The following CPLANE1 variants were observed in gnomAD, a reference collection of about 807,000 sequenced individuals.
CPLANE1 encodes the protein ciliogenesis and planar polarity effector 1.
CPLANE1 carries 263 observed loss-of-function variants against 362.5 expected under a neutral mutation model. The ratio of observed to expected loss-of-function variants is 0.73; its 90% CI spans 0.66 to 0.80. The LOEUF is 0.80. Among genes scored for constraint, CPLANE1 ranks in the 30% least tolerant of loss-of-function variants. The probability of loss-of-function intolerance (pLI) is 0.00; values close to 1 mark genes in which losing one functional copy is unlikely to be tolerated. For synonymous variants in CPLANE1, 1,212 were observed against 1,302.6 expected (o/e 0.93, Z 1.50); for missense variants, 3,461 against 3,793.4 (o/e 0.91, Z 2.30).
chr5:37,114,809 A>G lies in CPLANE1; in HGVS notation c.9400+151T>C. The stretch of plus-strand genomic sequence containing the variant: ...CAGCTACTGGGAAGCCTGAGGCAGG[A>G]GAATCACTTGAACCCGGGAGTGGAG... On this transcript the variant is annotated intron_variant, in intron 51 of 52. Coordinates refer to ENST00000651892, the MANE Select transcript of CPLANE1 (RefSeq NM_001384732.1). The G allele has an allele frequency of 5.3e-6, 3 of 567,516 alleles. No individual in the cohort carries two copies. The East Asian group carries it at 8.9e-5, about 17-fold the overall frequency. 35.2% of individuals were successfully genotyped at this position (567,516 alleles called of 1,614,324 possible). A position where few individuals can be genotyped will look rare whatever the true frequency, so the allele number is the denominator to read the frequency against.
At chr5:37,090,416 C>G in the CPLANE1 span, among the ~76,000 whole-genome samples, 1 of 152,202 alleles carries the variant, frequency 6.6e-6, no homozygotes, top group Non-Finnish European at 1.5e-5. Context: ...CAATCAGTCA[C>G]TAGGTTATGA....
intron 19 of CPLANE1, among the ~76,000 whole-genome samples, chr5:37,199,096 C>CAAAAAA (rs35945783): frequency 1.7e-4 from 8 of 47,152 alleles, no homozygotes; most frequent in Non-Finnish European, 1.6e-4. Flanking sequence ...CACCCTGTCT[C>CAAAAAA]AAAAAAAAAA....
intron 47 of CPLANE1, among the ~76,000 whole-genome samples, chr5:37,123,396 G>C (rs1763208635): frequency 6.6e-6 from 1 of 152,190 alleles, no homozygotes; most frequent in African/African-American, 2.4e-5. Context: ...ATTTCTAATA[G>C]AAATTCAAAT....
the CPLANE1 span, among the ~76,000 whole-genome samples, chr5:37,076,077 A>T: frequency 3.3e-5 from 5 of 151,758 alleles, no homozygotes; most frequent in African/African-American, 1.2e-4. Flanking sequence ...AACCCCTATC[A>T]ATCACTACAA....
chr5:37,223,354 T>C (rs972480297), intron 14 of CPLANE1, among the ~76,000 whole-genome samples: 6 of 152,174 alleles, frequency 3.9e-5, no homozygotes, highest in Non-Finnish European at 7.3e-5. Flanking sequence ...TCCCTAAACA[T>C]CTACCATAAA....
chr5:37,086,002 C>G, the CPLANE1 span: 1 of 591,862 alleles, frequency 1.7e-6, no homozygotes, highest in South Asian at 2.1e-5. Flanking sequence ...AGGAAAATAT[C>G]ACAATCCTAA....
intron 51 of CPLANE1, among the ~76,000 whole-genome samples, chr5:37,113,390 G>C (rs1759908316): frequency 6.6e-6 from 1 of 152,178 alleles, no homozygotes; most frequent in Non-Finnish European, 1.5e-5. Flanking sequence ...CTTTTACCAT[G>C]ATTGTGAGGC....
intron 15 of CPLANE1, among the ~76,000 whole-genome samples, chr5:37,216,288 A>G (rs1335670691): frequency 6.6e-6 from 1 of 152,200 alleles, no homozygotes; most frequent in Non-Finnish European, 1.5e-5. Context: ...TCATGCCTGT[A>G]ATCCCCACAC....
In CPLANE1 at chr5:37,165,624, T is replaced by G; in HGVS notation, c.7448A>C (p.Lys2483Thr). 6.2e-7 allele frequency: 1 copy of G among 1,612,020 alleles called. No homozygotes were observed. The highest frequency in any genetic ancestry group is 8.5e-7 in the Non-Finnish European group (1 of 1,179,550). Residue 2483 changes from lysine (K) to threonine (T), a missense_variant, in exon 36 of 53, where the codon AAA (lysine) becomes ACA (threonine). This residue lies in a region of CPLANE1 where 3,380 missense variants were observed against 3,666.1 expected (regional missense o/e 0.92). Coordinates refer to ENST00000651892, the MANE Select transcript of CPLANE1 (RefSeq NM_001384732.1). ...AGTCACATTTGGTTTTCTCCTCAGT[T>G]TCTCACATCTTTTTTCTTGCAGCTC... ...EKELQEKRCE[K>T]LRRKPNVTFR...
chr5:37,097,782 A>C, the CPLANE1 span, among the ~76,000 whole-genome samples: 1 of 152,214 alleles, frequency 6.6e-6, no homozygotes. Flanking sequence ...ATAAAAGAGA[A>C]ATAAAGTCTC....
chr5:37,109,804 G>T (rs1758600464), intron 51 of CPLANE1, among the ~76,000 whole-genome samples: 3 of 152,150 alleles, frequency 2.0e-5, no homozygotes, highest in Admixed American at 2.0e-4. Context: ...TTACAGGCAT[G>T]CGCCACCATG....
At position 37,106,676 on chromosome 5, in the gene CPLANE1, AC is replaced by A; in HGVS notation, c.*925del. 3.0e-6 allele frequency: 1 copy of A among 331,202 alleles called. No homozygotes were observed. Among genetic ancestry groups the A allele is most frequent in the Non-Finnish European group, 4.3e-6 (1 of 232,034 alleles). 20.5% of individuals were successfully genotyped at this position (331,202 alleles called of 1,614,324 possible). On this transcript the variant is annotated 3_prime_UTR_variant, in exon 53 of 53. Transcript: ENST00000651892. ...TAGCTTGATAGAAGGCAGCTGAATT[AC>A]CATACCTGCTTCTGCATTCAACTTG...
intron 16 of CPLANE1, chr5:37,210,848 T>C: frequency 1.2e-6 from 1 of 851,710 alleles, no homozygotes; most frequent in Admixed American, 1.7e-5. Flanking sequence ...CTACAGTGGT[T>C]GAGCATGAGG....
rs57781968 is a variant in CPLANE1, at chr5:37,245,297, CTA to C, written c.337+180_337+181del. ...GTATCACAGATAAACATAACCAAAA[CTA>C]TATATATATATATATATATATATAT... On this transcript the variant is annotated intron_variant, in intron 4 of 52. Transcript: ENST00000651892. 7.1e-3 allele frequency among the ~76,000 whole-genome samples: 424 copies of C among 59,440 alleles called. 2 individuals carry two copies. The highest frequency in any genetic ancestry group is 9.6e-3 in the Non-Finnish European group (285 of 29,792). The allele number at this position is 59,440 out of a possible 152,430, so 39.0% of individuals were successfully genotyped here.
the CPLANE1 span, among the ~76,000 whole-genome samples, chr5:37,092,173 A>C: frequency 6.6e-6 from 1 of 152,100 alleles, no homozygotes; most frequent in East Asian, 1.9e-4. Context: ...CTATAATAAC[A>C]TAAGTGCTTG....
Position 37,168,959 on chromosome 5 carries a change from A to G in CPLANE1, c.7065T>C (p.His2355=). The G allele has an allele frequency of 6.2e-7, 1 of 1,614,174 alleles. No individual in the cohort carries two copies. The highest frequency in any genetic ancestry group is 8.5e-7 in the Non-Finnish European group (1 of 1,180,018). The change falls in exon 34 of 53, where the codon CAT becomes CAC. Residue 2355 remains histidine (H), a synonymous_variant. Coordinates refer to ENST00000651892, the MANE Select transcript of CPLANE1 (RefSeq NM_001384732.1). ...GGTATAGTAACGGAAGTCCAAAGGA[A>G]TGGTGAGGAGATATCTCAAGGGTCC... ...KPGTLEISPH[H]SFGLPLLYLP...
At chr5:37,247,064 A>C (rs981834313) in intron 2 of CPLANE1, among the ~76,000 whole-genome samples, 3 of 152,192 alleles carry the variant, frequency 2.0e-5, no homozygotes, top group African/African-American at 7.2e-5. Context: ...TAGTGGTATA[A>C]TTTCTCACAG....
Position 37,157,803 on chromosome 5 carries a change from C to T in CPLANE1, c.7878G>A (p.Val2626=). Residue 2626 remains valine, a synonymous_variant, in exon 40 of 53, where the codon GTG becomes GTA. Coordinates refer to ENST00000651892, the MANE Select transcript of CPLANE1 (RefSeq NM_001384732.1). ...EANDLLQELP[V]REEPSNDNVI... Reference sequence around the variant, plus strand: ...CATTATCATTTGAAGGCTCTTCTCTCACAGGTAATTCCTGTAGAAGATCAT... The same window carrying T: ...CATTATCATTTGAAGGCTCTTCTCTTACAGGTAATTCCTGTAGAAGATCAT... The T allele has an allele frequency of 6.2e-7, 1 of 1,613,268 alleles. No individual in the cohort carries two copies. The highest frequency in any genetic ancestry group is 8.5e-7 in the Non-Finnish European group (1 of 1,179,552).
chr5:37,158,109 G>T, intron 39 of CPLANE1, 115 bp downstream of exon 39: 1 of 1,196,292 alleles, frequency 8.4e-7, no homozygotes, highest in Non-Finnish European at 1.2e-6. Flanking sequence ...TTACTACAAA[G>T]CTACATAGAT....
Sources: gnomAD v4.1 joint callset for allele counts (sites outside exome capture counted in the v4.1 genomes callset) on GRCh38, gnomAD v4.1.1 for gene constraint, gnomAD v4.1.1 regional missense constraint, MANE v1.5 for transcripts, NCBI Gene and HGNC (gene_info 2026-07-23, HGNC 2026-07-21) for gene names.